LMBR1: variants seen among roughly 807,000 people sequenced by gnomAD.
LMBR1 encodes limb region 1 protein homolog.
LMBR1 carries 52 observed loss-of-function variants against 73.9 expected under a neutral mutation model. The observed-to-expected ratio is 0.70, with a 90% CI of 0.56 to 0.89. The LOEUF is 0.89. Among genes scored for constraint, LMBR1 ranks in the 40% least tolerant of loss-of-function variants. LMBR1 has a pLI of 0.00. For synonymous variants in LMBR1, 215 were observed against 209.4 expected, an observed-to-expected ratio of 1.03 and a Z score of -0.23; for missense variants, 539 against 579.8, an observed-to-expected ratio of 0.93 and a Z score of 0.72.
chr7:156,797,526 G>C (rs75369546), intron 4 of LMBR1, among the ~76,000 whole-genome samples: 4,843 of 152,316 alleles, frequency 0.032, 123 homozygotes, highest in South Asian at 0.085. Context: ...TGGTGATGAA[G>C]AAACACAACC....
rs1458567200 is a variant in LMBR1, at chr7:156,669,763, G to C, written n.867-476C>G. On this transcript the variant is annotated intron_variant and non_coding_transcript_variant, in intron 4 of 4. Coordinates refer to the LMBR1 transcript ENST00000430825. The surrounding 1 kb of genome is among the most constrained non-coding windows in gnomAD (Gnocchi z 4.2). Reference sequence around the variant, plus strand: ...AAGGGGCCATGGCTGGGCCCCTCCAGCACAGGCGCTTCCTGGGAGCCTCTG... The same window carrying C: ...AAGGGGCCATGGCTGGGCCCCTCCACCACAGGCGCTTCCTGGGAGCCTCTG... Among the ~76,000 whole-genome samples, 1 of 152,214 alleles carries C rather than the reference G, an allele frequency of 6.6e-6. No individual in the cohort carries two copies. Among genetic ancestry groups the C allele is most frequent in the Admixed American group, 6.5e-5 (1 of 15,284 alleles).
At chr7:156,864,279 CATAATT>C (rs772237260) in intron 1 of LMBR1, among the ~76,000 whole-genome samples, 12 of 152,190 alleles carry the variant, frequency 7.9e-5, no homozygotes, top group Non-Finnish European at 1.6e-4. Flanking sequence ...TGTTCATAAA[CATAATT>C]AGAACCAGTT....
chr7:156,892,104 C>T (rs1279842655), intron 1 of LMBR1, among the ~76,000 whole-genome samples: 3 of 152,216 alleles, frequency 2.0e-5, no homozygotes, highest in Non-Finnish European at 2.9e-5. Context: ...AGTAGACTTT[C>T]CAAGGTCAAG....
At chr7:156,713,262 G>A (rs555671671) in intron 15 of LMBR1, among the ~76,000 whole-genome samples, 159 of 152,192 alleles carry the variant, frequency 1.0e-3, no homozygotes, top group African/African-American at 3.6e-3. Flanking sequence ...AATAGACAGG[G>A]CACGGAGGAT....
In LMBR1 at chr7:156,762,187, C is replaced by G; in HGVS notation, c.631G>C (p.Val211Leu). 6.2e-7 allele frequency: 1 copy of G among 1,609,412 alleles called. No homozygotes were observed. Among genetic ancestry groups the G allele is most frequent in the Non-Finnish European group, 8.5e-7 (1 of 1,176,196 alleles). The change falls in exon 8 of 17, where the codon GTT becomes CTT. Residue 211 changes from valine to leucine, a missense_variant. Val to Leu is a conservative substitution (Grantham distance 32). Coordinates refer to ENST00000353442, the MANE Select transcript of LMBR1 (RefSeq NM_022458.4). ...ACTGTGAACATACGAGAAAGGCCAA[C>G]TGGTGTACACACTGCAGAAATAAGA... ...GCLLLLLCTPVGLSRMFTVMG... is the reference protein window; with the variant it reads ...GCLLLLLCTPLGLSRMFTVMG...
intron 1 of LMBR1, among the ~76,000 whole-genome samples, chr7:156,887,463 CAAAAAAAA>C (rs60786872): frequency 1.9e-5 from 1 of 52,676 alleles, no homozygotes; most frequent in Non-Finnish European, 3.9e-5. Flanking sequence ...GACTCCATCT[CAAAAAAAA>C]AAAAAAAAAA....
intron 9 of LMBR1, among the ~76,000 whole-genome samples, chr7:156,747,755 ATTAC>A (rs1367738954): frequency 6.6e-6 from 1 of 152,236 alleles, no homozygotes; most frequent in Non-Finnish European, 1.5e-5. Context: ...GATTATACTT[ATTAC>A]TTTAAATTTG....
intron 1 of LMBR1, among the ~76,000 whole-genome samples, chr7:156,868,432 T>C (rs370553319): frequency 1.3e-5 from 2 of 152,064 alleles, no homozygotes; most frequent in South Asian, 4.1e-4. Context: ...TCCCAGCACT[T>C]TGGGAGGCCG....
rs536424706 is a variant in LMBR1 at position 156,792,026 on chromosome 7, A to T, written c.423+4363T>A. Among the ~76,000 whole-genome samples, 4 of 152,360 alleles carry T rather than the reference A, an allele frequency of 2.6e-5. No individual in the cohort carries two copies. The East Asian group carries it at 7.7e-4, about 29-fold the overall frequency. On this transcript the variant is annotated intron_variant, in intron 5 of 16. Coordinates refer to ENST00000353442, the MANE Select transcript of LMBR1 (RefSeq NM_022458.4). ...TCCTGACATTTTTATTCAAAATAAG[A>T]TGTTAAGATATAATATAAAACAAAT...
chr7:156,769,619 A>G (rs540168515), intron 5 of LMBR1, among the ~76,000 whole-genome samples: 68 of 152,310 alleles, frequency 4.5e-4, no homozygotes, highest in Middle Eastern at 3.4e-3. Context: ...TTGCTGTTAC[A>G]TGGATGCTGG....
chr7:156,867,556 T>C (rs760423864), intron 1 of LMBR1, among the ~76,000 whole-genome samples: 9 of 152,292 alleles, frequency 5.9e-5, no homozygotes, highest in Non-Finnish European at 1.3e-4. Flanking sequence ...ATCCAAGTAA[T>C]GGAATATTAT....
intron 5 of LMBR1, among the ~76,000 whole-genome samples, chr7:156,785,168 T>G (rs897936874): frequency 6.6e-6 from 1 of 152,090 alleles, no homozygotes; most frequent in Non-Finnish European, 1.5e-5. Flanking sequence ...TCCCAGCTAC[T>G]TGGGAGGCTG....
At chr7:156,675,843 T>G (rs979586469), downstream of LMBR1, 3 of 1,613,858 alleles carry the variant, frequency 1.9e-6, no homozygotes, top group South Asian at 2.2e-5. Context: ...AGAAGAGGAA[T>G]GGGAGAAAAT....
chr7:156,727,840 G>C (rs1024752410), intron 12 of LMBR1, 90 bp downstream of exon 12: 6 of 794,382 alleles, frequency 7.6e-6, no homozygotes, highest in Non-Finnish European at 1.2e-5. Context: ...GCACAAAGGT[G>C]AATGTTTTCA....
chr7:156,785,446 G>C (rs1357286248), intron 5 of LMBR1, among the ~76,000 whole-genome samples: 1 of 152,108 alleles, frequency 6.6e-6, no homozygotes, highest in Non-Finnish European at 1.5e-5. Context: ...AGCCAAATAA[G>C]ACCCAGGAGA....
intron 9 of LMBR1, among the ~76,000 whole-genome samples, chr7:156,734,814 A>C (rs1817549325): frequency 6.6e-6 from 1 of 152,192 alleles, no homozygotes; most frequent in African/African-American, 2.4e-5. Flanking sequence ...TTAAAATGAC[A>C]ATTGTGAACA....
chr7:156,782,731 G>C (rs772278688), intron 5 of LMBR1, among the ~76,000 whole-genome samples: 17 of 152,142 alleles, frequency 1.1e-4, no homozygotes, highest in Non-Finnish European at 1.9e-4. Flanking sequence ...TTTTACTAGA[G>C]ACAGGGTTTT....
Position 156,727,933 on chromosome 7 carries a change from T to C in LMBR1, c.990A>G (p.Thr330=). The C allele has an allele frequency of 6.2e-7, 1 of 1,611,188 alleles. No homozygotes were observed. Residue 330 remains threonine, a synonymous_variant, in exon 12 of 17, where the codon ACA becomes ACG. Coordinates refer to ENST00000353442, the MANE Select transcript of LMBR1 (RefSeq NM_022458.4). Reference sequence around the variant, plus strand: ...ATTTTAAAGGATTTTACTTTACCCTTGTTCCTTTTGGCATTGCTGTTTCAT... The same window carrying C: ...ATTTTAAAGGATTTTACTTTACCCTCGTTCCTTTTGGCATTGCTGTTTCAT... ...LVDETAMPKG[T]RGPGIGNASL...
At chr7:156,829,124 G>A (rs1288355616) in intron 3 of LMBR1, among the ~76,000 whole-genome samples, 2 of 152,214 alleles carry the variant, frequency 1.3e-5, no homozygotes, top group African/African-American at 4.8e-5. Context: ...GGCAGGACTT[G>A]CGTCAGGAAT....
Sources: gnomAD v4.1 joint callset for allele counts (sites outside exome capture counted in the v4.1 genomes callset) on GRCh38, gnomAD v4.1.1 for gene constraint, Gnocchi (gnomAD v3.1) non-coding constraint, MANE v1.5 for transcripts, NCBI Gene and HGNC (gene_info 2026-07-23, HGNC 2026-07-21) for gene names.